The following RAPGEF1 variants were observed in gnomAD, a reference collection of about 807,000 sequenced individuals.
RAPGEF1 encodes CRK SH3-binding GNRP.
Under a neutral mutation model 143.3 loss-of-function variants are expected in RAPGEF1, and 33 were observed. That is an observed-to-expected ratio of 0.23 (90% CI 0.17 to 0.31). The LOEUF (loss-of-function observed/expected upper bound fraction) is 0.31, where lower values mean the gene tolerates loss of function less well. Ranked by LOEUF, RAPGEF1 falls within the 10% of genes least tolerant of loss-of-function variation. The pLI, the probability that RAPGEF1 is intolerant of heterozygous loss-of-function variation, is 1.00. For missense variants in RAPGEF1, 1,199 were observed against 1,645.4 expected (o/e 0.73, Z 4.69); for synonymous variants, 629 against 676.5 (o/e 0.93, Z 1.09).
intron 1 of RAPGEF1, among the ~76,000 whole-genome samples, chr9:131,709,332 CGA>C (rs1835340143): frequency 6.6e-6 from 1 of 152,102 alleles, no homozygotes; most frequent in African/African-American, 2.4e-5. Flanking sequence ...GGCGACAGAA[CGA>C]GACTCCATTT....
intron 1 of RAPGEF1, among the ~76,000 whole-genome samples, chr9:131,722,765 C>A (rs1836359436): frequency 6.6e-6 from 1 of 152,234 alleles, no homozygotes; most frequent in Non-Finnish European, 1.5e-5. Context: ...CTTTGGGAGG[C>A]TGAGGCGGGA....
chr9:131,596,526 G>A (rs1370415257), intron 16 of RAPGEF1, among the ~76,000 whole-genome samples, 153 bp from the exon 17 acceptor site: 2 of 152,212 alleles, frequency 1.3e-5, no homozygotes, highest in Admixed American at 6.5e-5. Context: ...CAGTGTGGCT[G>A]CGCTGCGAAG....
rs997291251 is a variant in RAPGEF1, at chr9:131,628,367, T to G, written c.1017+182A>C. ...TCTGCCCTCCCTGCCCTGACCCTTA[T>G]CCCCATATGGGAACTTGGACCGTGT... is the stretch of plus-strand genomic sequence containing the variant. On this transcript the variant is annotated intron_variant, in intron 8 of 26. Coordinates refer to ENST00000683357, the MANE Select transcript of RAPGEF1 (RefSeq NM_001377935.1). This position sits in a 1 kb window ranked among gnomAD's most constrained non-coding sequence, Gnocchi z 5.7. Among the ~76,000 whole-genome samples the G allele has an allele frequency of 1.3e-5, 2 of 152,168 alleles. No homozygotes were observed. The highest frequency in any genetic ancestry group is 6.5e-5 in the Admixed American group (1 of 15,290).
intron 1 of RAPGEF1, among the ~76,000 whole-genome samples, chr9:131,716,244 A>AG (rs1554732428): frequency 1.4e-4 from 22 of 151,994 alleles, no homozygotes; most frequent in Admixed American, 4.6e-4. Flanking sequence ...GATTTCAAGG[A>AG]CCCCCCCAAT....
intron 25 of RAPGEF1, among the ~76,000 whole-genome samples, chr9:131,582,078 G>T (rs183972612): frequency 6.5e-4 from 99 of 152,286 alleles, no homozygotes; most frequent in African/African-American, 2.2e-3. Context: ...ATTCCGCTAC[G>T]TCCCTTTTCT....
intron 1 of RAPGEF1, among the ~76,000 whole-genome samples, chr9:131,727,180 T>C (rs745871763): frequency 5.9e-5 from 9 of 152,180 alleles, no homozygotes; most frequent in Non-Finnish European, 1.2e-4. Context: ...GAATGCATAA[T>C]TACTGTTACT....
chr9:131,712,515 G>A (rs1259912524), intron 1 of RAPGEF1, among the ~76,000 whole-genome samples: 1 of 152,160 alleles, frequency 6.6e-6, no homozygotes, highest in Non-Finnish European at 1.5e-5. Flanking sequence ...GGCCACTCTG[G>A]GCCCTGGAAT....
chr9:131,628,002 A>C lies in RAPGEF1; in HGVS notation c.1112T>G (p.Ile371Arg). ...ESPRLSPCSSIGKLSKSDEQL... is the reference protein window; with the variant it reads ...ESPRLSPCSSRGKLSKSDEQL... The stretch of plus-strand genomic sequence containing the variant: ...CTCGTCTGACTTGCTGAGCTTGCCT[A>C]TGCTGCTGCAGGGGGAGAGGCGGGG... The change falls in exon 9 of 27, where the codon ATA (isoleucine) becomes AGA (arginine). Residue 371 changes from isoleucine to arginine, a missense_variant. Transcript: ENST00000683357. The surrounding 1 kb of genome is among the most constrained non-coding windows in gnomAD (Gnocchi z 5.7). The C allele has an allele frequency of 6.3e-7, 1 of 1,595,860 alleles. No homozygotes were observed. The highest frequency in any genetic ancestry group is 8.5e-7 in the Non-Finnish European group (1 of 1,171,406).
At position 131,626,364 on chromosome 9, in the gene RAPGEF1, T is replaced by C. The variant is rs1963050887; in HGVS notation, c.1260A>G (p.Ile420Met). The C allele has an allele frequency of 1.2e-6, 2 of 1,613,790 alleles. No homozygotes were observed. The highest frequency in any genetic ancestry group is 1.7e-6 in the Non-Finnish European group (2 of 1,179,830). Residue 420 changes from isoleucine (I) to methionine (M), a missense_variant, in exon 10 of 27, where the codon ATA becomes ATG. This residue lies in a region of RAPGEF1 where 613 missense variants were observed against 710.9 expected (regional missense o/e 0.86). Transcript: ENST00000683357. ...TAAGGTTCCAGGCCGTCTGCTGAGG[T>C]ATCTGGTCTGCGTTAGAGAGGTCTT... ...LQQDLSNADQ[I>M]PQQTAWNLSP...
At chr9:131,704,479 A>G (rs1319404246) in intron 1 of RAPGEF1, among the ~76,000 whole-genome samples, 2 of 151,946 alleles carry the variant, frequency 1.3e-5, no homozygotes, top group Non-Finnish European at 2.9e-5. Flanking sequence ...TGTGGGCTGA[A>G]GCTTTTTATA....
chr9:131,708,358 C>T (rs931675039), intron 1 of RAPGEF1, among the ~76,000 whole-genome samples: 1 of 152,222 alleles, frequency 6.6e-6, no homozygotes, highest in African/African-American at 2.4e-5. Flanking sequence ...GGCCGGTCTC[C>T]TGGGTCAATA....
intron 13 of RAPGEF1, among the ~76,000 whole-genome samples, 156 bp downstream of exon 13, chr9:131,604,775 A>G (rs1205607694): frequency 2.0e-5 from 3 of 152,192 alleles, no homozygotes. Context: ...CAGCTCAGCC[A>G]TGCTGCCAGC....
In RAPGEF1 at chr9:131,583,270, G is replaced by A. The variant is rs553563987; in HGVS notation, c.3415-568C>T. ...CCTCTCCTGCCTCTTCTCCTGTTAC[G>A]TGCCTCTCCCTGAAGTGCTGCCTCC... On this transcript the variant is annotated intron_variant, in intron 24 of 26. Coordinates refer to ENST00000683357, the MANE Select transcript of RAPGEF1 (RefSeq NM_001377935.1). The surrounding 1 kb of genome is among the most constrained non-coding windows in gnomAD (Gnocchi z 4.7). Among the ~76,000 whole-genome samples the A allele has an allele frequency of 2.6e-5, 4 of 152,184 alleles. No individual in the cohort carries two copies. Among genetic ancestry groups the A allele is most frequent in the Non-Finnish European group, 5.9e-5 (4 of 67,996 alleles).
Position 131,578,083 on chromosome 9 carries a change from G to C in RAPGEF1, c.*1414C>G, listed in dbSNP as rs536464968. The stretch of plus-strand genomic sequence containing the variant: ...TTCACTTGACCACGTCCTAAACCCG[G>C]GACAAGTGAGCACTCATTCATGCAC... On this transcript the variant is annotated 3_prime_UTR_variant, in exon 27 of 27. Coordinates refer to ENST00000683357, the MANE Select transcript of RAPGEF1 (RefSeq NM_001377935.1). 6.6e-6 allele frequency: 1 copy of C among 152,270 alleles called. No individual in the cohort carries two copies. Among genetic ancestry groups the C allele is most frequent in the African/African-American group, 2.4e-5 (1 of 41,508 alleles). The allele number at this position is 152,270 out of a possible 1,614,324, so 9.4% of individuals were successfully genotyped here.
intron 7 of RAPGEF1, 50 bp downstream of exon 7, chr9:131,629,048 CCTTT>C: frequency 2.5e-6 from 4 of 1,575,974 alleles, no homozygotes; most frequent in African/African-American, 1.3e-5. Context: ...TGTCTTCCTC[CCTTT>C]CTTTCTCATT....
At chr9:131,736,001 T>C (rs2131363365) in intron 1 of RAPGEF1, among the ~76,000 whole-genome samples, 1 of 152,336 alleles carries the variant, frequency 6.6e-6, no homozygotes, top group Non-Finnish European at 1.5e-5. Context: ...TCCAAAAACA[T>C]GACGGTATCA....
At chr9:131,630,583 G>A (rs1002734532) in intron 5 of RAPGEF1, among the ~76,000 whole-genome samples, 29 of 152,304 alleles carry the variant, frequency 1.9e-4, no homozygotes, top group East Asian at 1.9e-4. Context: ...AGGGGAAATG[G>A]CAAACCCCAG....
In RAPGEF1 at chr9:131,629,241, G is replaced by T; in HGVS notation, c.754C>A (p.Pro252Thr). Residue 252 changes from proline (P) to threonine (T), a missense_variant, in exon 7 of 27, where the codon CCC (proline) becomes ACC (threonine). Coordinates refer to ENST00000683357, the MANE Select transcript of RAPGEF1 (RefSeq NM_001377935.1). ...ASKPDGPAEL[P>T]LTDREVEILN... ...ATCTCTACCTCGCGGTCTGTCAGGG[G>T]GAGCTCTGCTGGGCTGGAGAATTGG... 3.7e-6 allele frequency: 6 copies of T among 1,613,796 alleles called. No individual in the cohort carries two copies. Among genetic ancestry groups the T allele is most frequent in the Non-Finnish European group, 5.1e-6 (6 of 1,179,788 alleles).
chr9:131,733,265 G>A (rs1413546505), intron 1 of RAPGEF1, among the ~76,000 whole-genome samples: 2 of 151,444 alleles, frequency 1.3e-5, no homozygotes, highest in South Asian at 2.1e-4. Flanking sequence ...GGGTTGATAG[G>A]TGCAGCAAAC....
Sources: gnomAD v4.1 joint callset for allele counts (sites outside exome capture counted in the v4.1 genomes callset) on GRCh38, gnomAD v4.1.1 for gene constraint, gnomAD v4.1.1 regional missense constraint, Gnocchi (gnomAD v3.1) non-coding constraint, MANE v1.5 for transcripts, NCBI Gene and HGNC (gene_info 2026-07-23, HGNC 2026-07-21) for gene names.